The following CACNA1D variants were observed in gnomAD, a reference collection of about 807,000 sequenced individuals.
CACNA1D encodes the protein voltage-dependent L-type calcium channel subunit alpha-1D.
A neutral mutation model predicts 257.1 loss-of-function variants in CACNA1D; 55 were observed. The ratio of observed to expected loss-of-function variants is 0.21; its 90% CI spans 0.17 to 0.27. The LOEUF is 0.27. Ranked by LOEUF, CACNA1D falls within the 10% of genes least tolerant of loss-of-function variation. The pLI is 1.00. For synonymous variants in CACNA1D, 980 were observed against 1,014.9 expected, an observed-to-expected ratio of 0.97 and a Z score of 0.65; for missense variants, 1,876 against 2,784.0, an observed-to-expected ratio of 0.67 and a Z score of 7.34.
Position 53,800,859 on chromosome 3 carries a change from G to A in CACNA1D, c.5041-199G>A, listed in dbSNP as rs1371229878. ...AGCTTGCTCCCCAGCTCAGGAAATCGGTAACCTTCCTCATCTCGGGGGGAC... is the reference window on the plus strand; with the variant it reads ...AGCTTGCTCCCCAGCTCAGGAAATCAGTAACCTTCCTCATCTCGGGGGGAC... On this transcript the variant is annotated intron_variant, in intron 41 of 47. Coordinates refer to ENST00000350061, the MANE Select transcript of CACNA1D (RefSeq NM_001128840.3). This position sits in a 1 kb window ranked among gnomAD's most constrained non-coding sequence, Gnocchi z 4.3. 1.3e-5 allele frequency: 8 copies of A among 629,054 alleles called. No individual in the cohort carries two copies. Among genetic ancestry groups the A allele is most frequent in the East Asian group, 2.7e-5 (1 of 36,492 alleles). The allele number at this position is 629,054 out of a possible 1,614,324, so 39.0% of individuals were successfully genotyped here.
chr3:53,771,984 GCT>G (rs1336953220), intron 32 of CACNA1D, among the ~76,000 whole-genome samples: 3 of 152,326 alleles, frequency 2.0e-5, no homozygotes, highest in South Asian at 2.1e-4. Flanking sequence ...TTTCTGACAA[GCT>G]CTCTCGGATA....
chr3:53,519,339 T>G (rs1472249539), intron 3 of CACNA1D, among the ~76,000 whole-genome samples: 1 of 152,234 alleles, frequency 6.6e-6, no homozygotes, highest in Non-Finnish European at 1.5e-5. Context: ...CTTGCCTGTT[T>G]CAAAAACGCA....
At chr3:53,740,609 TTG>T in intron 21 of CACNA1D, 24 of 427,180 alleles carry the variant, frequency 5.6e-5, no homozygotes, top group Middle Eastern at 6.4e-4. Context: ...TTTTTTTTTT[TTG>T]TTTTTTAAAC....
intron 31 of CACNA1D, 81 bp downstream of exon 31, chr3:53,770,098 C>G: frequency 8.8e-7 from 1 of 1,131,070 alleles, no homozygotes. Context: ...ACTGGTTTTT[C>G]TGTATTCTCC....
At chr3:53,724,305 C>T (rs1052499324) in intron 14 of CACNA1D, among the ~76,000 whole-genome samples, 2 of 152,178 alleles carry the variant, frequency 1.3e-5, no homozygotes, top group African/African-American at 2.4e-5. Flanking sequence ...TATGAGGTTT[C>T]TTTGAAATAG....
chr3:53,643,491 C>T (rs139920050), intron 3 of CACNA1D, among the ~76,000 whole-genome samples: 171 of 152,152 alleles, frequency 1.1e-3, no homozygotes, highest in Middle Eastern at 3.4e-3. Context: ...TGGCCTCAAT[C>T]GACCCAGCCA....
In CACNA1D at chr3:53,797,312, T is replaced by C. The variant is rs2106724307; in HGVS notation, c.4924-2937T>C. Among the ~76,000 whole-genome samples the C allele has an allele frequency of 2.0e-5, 3 of 152,308 alleles. No individual in the cohort carries two copies. The South Asian group carries it at 6.2e-4, about 32-fold the overall frequency. On this transcript the variant is annotated intron_variant, in intron 40 of 47. Transcript: ENST00000350061. ...TCTAGTTTGGGAACATCTGTTTCCCTCACTCCCAGTCGTGGGGGACAGCCT... is the reference window on the plus strand; with the variant it reads ...TCTAGTTTGGGAACATCTGTTTCCCCCACTCCCAGTCGTGGGGGACAGCCT...
chr3:53,728,555 T>C lies in CACNA1D; in HGVS notation c.2221+1556T>C, dbSNP rs150940121. Among the ~76,000 whole-genome samples the C allele has an allele frequency of 1.5e-3, 233 of 152,336 alleles. 1 individual carries two copies. Among genetic ancestry groups the C allele is most frequent in the African/African-American group, 5.3e-3 (222 of 41,586 alleles). ...TCAATAGAGTACGGGATCTTGCACATAGTTGGCCCTTGGTAAATGAAAGGT... is the reference window on the plus strand; with the variant it reads ...TCAATAGAGTACGGGATCTTGCACACAGTTGGCCCTTGGTAAATGAAAGGT... On this transcript the variant is annotated intron_variant, in intron 15 of 47. Transcript: ENST00000350061.
At chr3:53,772,934 C>G (rs2095374509) in intron 33 of CACNA1D, 36 bp downstream of exon 33, 8 of 1,555,650 alleles carry the variant, frequency 5.1e-6, no homozygotes, top group Non-Finnish European at 7.1e-6. Context: ...GGGGCCCTTT[C>G]ACTGGGTAGC....
At chr3:53,654,803 C>G (rs1182597370) in intron 4 of CACNA1D, among the ~76,000 whole-genome samples, 1 of 151,574 alleles carries the variant, frequency 6.6e-6, no homozygotes, top group Non-Finnish European at 1.5e-5. Flanking sequence ...AGAGAAGCCA[C>G]TAAAAAAGAA....
At chr3:53,545,690 TATC>T (rs1158148711) in intron 3 of CACNA1D, among the ~76,000 whole-genome samples, 1 of 152,208 alleles carries the variant, frequency 6.6e-6, no homozygotes, top group African/African-American at 2.4e-5. Context: ...CCCTGGTGGT[TATC>T]ATGTAAAAAT....
chr3:53,782,150 C>T (rs1363814874), intron 39 of CACNA1D, among the ~76,000 whole-genome samples: 1 of 150,860 alleles, frequency 6.6e-6, no homozygotes, highest in African/African-American at 2.4e-5. Context: ...AACAGGCATG[C>T]TTATTTCCTT....
At chr3:53,618,710 G>A (rs2093663359) in intron 3 of CACNA1D, among the ~76,000 whole-genome samples, 1 of 152,190 alleles carries the variant, frequency 6.6e-6, no homozygotes, top group African/African-American at 2.4e-5. Flanking sequence ...TCTGCTCGTT[G>A]GTCAGACTGA....
intron 3 of CACNA1D, among the ~76,000 whole-genome samples, chr3:53,597,787 C>G (rs1310544428): frequency 6.6e-6 from 1 of 152,188 alleles, no homozygotes; most frequent in East Asian, 1.9e-4. Context: ...TCCAGCCTTT[C>G]ATCTCACAAC....
rs372718470 is a variant in CACNA1D, at chr3:53,741,304, C to T, written c.2811+965C>T. Among the ~76,000 whole-genome samples, 6 of 152,264 alleles carry T rather than the reference C, an allele frequency of 3.9e-5. No homozygotes were observed. The East Asian group carries it at 1.2e-3, about 29-fold the overall frequency. ...AAGCTGGGAAATGAAGACTTTTAAC[C>T]ATGGTTTTCTTTAAGCCATTGGGGA... On this transcript the variant is annotated intron_variant, in intron 21 of 47. Transcript: ENST00000350061.
At chr3:53,765,309 A>C (rs1025883358) in intron 30 of CACNA1D, 18 of 152,544 alleles carry the variant, frequency 1.2e-4, no homozygotes, top group Admixed American at 1.1e-3. Flanking sequence ...GGGTGTGAAC[A>C]CCTTTGGTTC....
intron 3 of CACNA1D, among the ~76,000 whole-genome samples, chr3:53,624,480 G>A (rs776073007): frequency 1.3e-4 from 20 of 152,124 alleles, no homozygotes; most frequent in Non-Finnish European, 2.2e-4. Flanking sequence ...ACCTTCTCCC[G>A]TGCTGAGCCT....
At chr3:53,762,429 G>C (rs1474229617) in intron 30 of CACNA1D, 1 of 422,902 alleles carries the variant, frequency 2.4e-6, no homozygotes, top group African/African-American at 2.0e-5. Flanking sequence ...ATTTTAGGGG[G>C]ATGTTTCAAG....
At chr3:53,640,602 C>T (rs972941137) in intron 3 of CACNA1D, among the ~76,000 whole-genome samples, 4 of 152,226 alleles carry the variant, frequency 2.6e-5, no homozygotes, top group African/African-American at 4.8e-5. Context: ...GCAAATGATA[C>T]GAGACAGTGT....
Sources: allele counts gnomAD v4.1 joint callset (sites outside exome capture counted in the v4.1 genomes callset), GRCh38; gene constraint gnomAD v4.1.1; non-coding constraint Gnocchi (gnomAD v3.1); transcripts MANE v1.5; gene names NCBI Gene and HGNC (gene_info 2026-07-23, HGNC 2026-07-21).